Variants in PIP5K1C observed in about 807,000 individuals in gnomAD.
PIP5K1C encodes the protein phosphatidylinositol 4-phosphate 5-kinase type-1 gamma.
Under a neutral mutation model 80.1 loss-of-function variants are expected in PIP5K1C, and 45 were observed. The ratio of observed to expected loss-of-function variants is 0.56; its 90% CI spans 0.44 to 0.72. The LOEUF (loss-of-function observed/expected upper bound fraction) is 0.72, where lower values mean the gene tolerates loss of function less well. Among genes scored for constraint, PIP5K1C ranks in the 30% least tolerant of loss-of-function variants. The pLI is 0.00. For synonymous variants in PIP5K1C, 498 were observed against 420.1 expected (o/e 1.19, Z -2.27); for missense variants, 753 against 954.6 (o/e 0.79, Z 2.78).
intron 16 of PIP5K1C, chr19:3,636,371 C>T (rs1165273217): frequency 1.0e-6 from 1 of 985,100 alleles, no homozygotes; most frequent in Non-Finnish European, 1.2e-6. Flanking sequence ...CAATGGCTGC[C>T]CTGCCTCCCT....
rs2033838988 is a variant in PIP5K1C at position 3,639,019 on chromosome 19, G to A, written c.1788-3C>T. ...CACCGGCCGGGGAAGCCTCCACCCT[G>A]GGGACAGGAGTAGACAGAGGGTCTT... On this transcript the variant is annotated splice_region_variant and splice_polypyrimidine_tract_variant and intron_variant, in intron 15 of 17. Coordinates refer to ENST00000335312, the MANE Select transcript of PIP5K1C (RefSeq NM_012398.3). 1 of 1,609,876 alleles carries A rather than the reference G, an allele frequency of 6.2e-7. No individual in the cohort carries two copies. The highest frequency in any genetic ancestry group is 1.3e-5 in the African/African-American group (1 of 74,898).
chr19:3,688,081 G>C lies in PIP5K1C; in HGVS notation c.94+12216C>G, dbSNP rs560671263. 5.3e-5 allele frequency among the ~76,000 whole-genome samples: 8 copies of C among 152,148 alleles called. No homozygotes were observed. The highest frequency in any genetic ancestry group is 1.2e-4 in the Non-Finnish European group (8 of 68,012). ...TGCACAGAGCACACGCCAGCCCCTG[G>C]GGGAAGCCCGGCCCGTGCGGGCTGC... On this transcript the variant is annotated intron_variant, in intron 1 of 17. Coordinates refer to ENST00000335312, the MANE Select transcript of PIP5K1C (RefSeq NM_012398.3). The surrounding 1 kb of genome is among the most constrained non-coding windows in gnomAD (Gnocchi z 5.3).
chr19:3,682,224 A>G (rs1417780679), intron 1 of PIP5K1C, among the ~76,000 whole-genome samples: 6 of 151,832 alleles, frequency 4.0e-5, no homozygotes, highest in African/African-American at 1.2e-4. Flanking sequence ...AAATACAAAC[A>G]TTAGCCAGGC....
At chr19:3,694,721 C>T (rs969404761) in intron 1 of PIP5K1C, among the ~76,000 whole-genome samples, 9 of 152,210 alleles carry the variant, frequency 5.9e-5, no homozygotes, top group East Asian at 1.9e-4. Flanking sequence ...ACGGCCTCGG[C>T]GCGACTATTC....
At chr19:3,679,919 G>C (rs1225828941) in intron 1 of PIP5K1C, among the ~76,000 whole-genome samples, 1 of 152,242 alleles carries the variant, frequency 6.6e-6, no homozygotes, top group South Asian at 2.1e-4. Context: ...GAAACTTTCT[G>C]CAGCAAACGA....
intron 15 of PIP5K1C, 30 bp downstream of exon 15, chr19:3,641,675 G>A (rs1568312814): frequency 1.3e-6 from 2 of 1,569,398 alleles, no homozygotes; most frequent in Non-Finnish European, 1.7e-6. Flanking sequence ...GCAGGTGGGC[G>A]CCCCGACCTC....
chr19:3,672,446 T>C (rs1220280476), intron 1 of PIP5K1C: 1 of 152,390 alleles, frequency 6.6e-6, no homozygotes, highest in Non-Finnish European at 1.5e-5. Context: ...CATGGGCGTG[T>C]TTGTTGACTG....
intron 5 of PIP5K1C, among the ~76,000 whole-genome samples, chr19:3,657,578 C>T (rs1358025012): frequency 1.3e-5 from 2 of 152,216 alleles, no homozygotes; most frequent in African/African-American, 4.8e-5. Flanking sequence ...TCCAATGCTG[C>T]TGTGATAAAC....
In PIP5K1C at chr19:3,682,574, G is replaced by A. The variant is rs377536513; in HGVS notation, c.95-15221C>T. ...CGTGGTGACGTGTGCCTGTAGTCCC[G>A]GCTACTCGGGAGGCTGCGGTGGGAA... On this transcript the variant is annotated intron_variant, in intron 1 of 17. Transcript: ENST00000335312. 2.0e-3 allele frequency among the ~76,000 whole-genome samples: 298 copies of A among 152,044 alleles called. 3 individuals carry two copies. The highest frequency in any genetic ancestry group is 7.0e-3 in the African/African-American group (289 of 41,450).
At chr19:3,683,198 G>C (rs1427283563) in intron 1 of PIP5K1C, among the ~76,000 whole-genome samples, 4 of 152,080 alleles carry the variant, frequency 2.6e-5, no homozygotes. Context: ...CCATGAGCCC[G>C]GCCAGGGCAG....
chr19:3,695,062 G>A (rs542227666), intron 1 of PIP5K1C, among the ~76,000 whole-genome samples: 29 of 152,352 alleles, frequency 1.9e-4, no homozygotes, highest in African/African-American at 6.5e-4. Context: ...GACAAGAAGC[G>A]GCATGGACAG....
chr19:3,633,356 G>T, intron 17 of PIP5K1C, 81 bp downstream of exon 17: 1 of 1,147,384 alleles, frequency 8.7e-7, no homozygotes, highest in Non-Finnish European at 1.2e-6. Flanking sequence ...CTCAGTCCCT[G>T]CCTATCCCAG....
chr19:3,645,888 C>A, intron 11 of PIP5K1C, 86 bp downstream of exon 11: 1 of 1,025,576 alleles, frequency 9.8e-7, no homozygotes, highest in African/African-American at 1.6e-5. Context: ...AGGGGGCTCT[C>A]GGCCTCCCGC....
At position 3,697,716 on chromosome 19, in the gene PIP5K1C, G is replaced by A. The variant is rs532522833; in HGVS notation, c.94+2581C>T. ...AGCCGTGGGAGTGGGGCAGGGGCAG[G>A]GATGGAGCTGACCGTTCTGGGGCAT... On this transcript the variant is annotated intron_variant, in intron 1 of 17. Transcript: ENST00000335312. Among the ~76,000 whole-genome samples the A allele has an allele frequency of 5.9e-5, 9 of 152,294 alleles. No homozygotes were observed. In the East Asian group the frequency reaches 1.2e-3, roughly 20 times the overall value.
At chr19:3,638,800 TG>T in intron 16 of PIP5K1C, 83 bp downstream of exon 16, 2 of 1,555,994 alleles carry the variant, frequency 1.3e-6, no homozygotes, top group Non-Finnish European at 1.8e-6. Flanking sequence ...TGCAGGTGTG[TG>T]TATGCGGTGT....
intron 6 of PIP5K1C, among the ~76,000 whole-genome samples, chr19:3,655,127 AAAAT>A (rs2034578041): frequency 6.7e-6 from 1 of 149,636 alleles, no homozygotes; most frequent in Non-Finnish European, 1.5e-5. Flanking sequence ...AAAAAAAAAA[AAAAT>A]GAAGAGGCCA....
At position 3,652,042 on chromosome 19, in the gene PIP5K1C, C is replaced by T. The variant is rs368862269; in HGVS notation, c.922-11G>A. 17 of 1,612,594 alleles carry T rather than the reference C, an allele frequency of 1.1e-5. No individual in the cohort carries two copies. In the African/African-American group the frequency reaches 1.7e-4, roughly 16 times the overall value. On this transcript the variant is annotated splice_polypyrimidine_tract_variant and intron_variant, in intron 7 of 17. Transcript: ENST00000335312. ...GAAACTTTCCAGGACCTGGCGGGAT[C>T]GGGCAGGAACACGCCACGCCGTCAG... is the stretch of plus-strand genomic sequence containing the variant.
rs748786747 is a variant in PIP5K1C, at chr19:3,661,879, G to A, written c.342C>T (p.Phe114=). ...MQDFYVVESI[F]FPSEGSNLTP... ...CCGGGGGCCCGGCCCACCTGGGGAA[G>A]AAGATGCTCTCCACCACGTAGAAGT... The change falls in exon 4 of 18, where the codon TTC becomes TTT. Residue 114 remains phenylalanine (F), a synonymous_variant. Coordinates refer to ENST00000335312, the MANE Select transcript of PIP5K1C (RefSeq NM_012398.3). 1.1e-5 allele frequency: 17 copies of A among 1,612,326 alleles called. No individual in the cohort carries two copies. Among genetic ancestry groups the A allele is most frequent in the Non-Finnish European group, 1.4e-5 (17 of 1,179,976 alleles).
At chr19:3,642,752 A>G (rs1264817138) in intron 14 of PIP5K1C, among the ~76,000 whole-genome samples, 155 bp downstream of exon 14, 5 of 150,192 alleles carry the variant, frequency 3.3e-5, no homozygotes, top group African/African-American at 1.2e-4. Context: ...TGGCTGGAAG[A>G]TTGTGTGCGG....
Sources: allele counts gnomAD v4.1 joint callset (sites outside exome capture counted in the v4.1 genomes callset), GRCh38; gene constraint gnomAD v4.1.1; non-coding constraint Gnocchi (gnomAD v3.1); transcripts MANE v1.5; gene names NCBI Gene and HGNC (gene_info 2026-07-23, HGNC 2026-07-21).